The following DNER variants were observed in gnomAD, a reference collection of about 807,000 sequenced individuals.
DNER encodes the protein delta and Notch-like epidermal growth factor-related receptor.
In DNER, 33 loss-of-function variants were observed where a neutral mutation model predicts 78.2. The observed-to-expected ratio is 0.42, with a 90% CI of 0.32 to 0.56. The LOEUF is 0.56. DNER is among the 20% of genes least tolerant of loss of function. DNER has a pLI of 0.11. For missense variants in DNER, 918 were observed against 975.3 expected (o/e 0.94, Z 0.78); for synonymous variants, 417 against 384.8 (o/e 1.08, Z -0.98).
intron 4 of DNER, among the ~76,000 whole-genome samples, chr2:229,562,780 T>C (rs1368507258): frequency 6.6e-6 from 1 of 152,074 alleles, no homozygotes; most frequent in East Asian, 1.9e-4. Flanking sequence ...TTTCCTGGGG[T>C]GGTTGTTATG....
At chr2:229,395,210 A>T (rs1448925912) in intron 10 of DNER, among the ~76,000 whole-genome samples, 1 of 152,162 alleles carries the variant, frequency 6.6e-6, no homozygotes, top group Non-Finnish European at 1.5e-5. Flanking sequence ...CAGGTGAGAG[A>T]TACAGTCTTA....
chr2:229,379,172 C>G (rs1471996991), intron 11 of DNER, among the ~76,000 whole-genome samples: 1 of 152,156 alleles, frequency 6.6e-6, no homozygotes, highest in African/African-American at 2.4e-5. Flanking sequence ...TAGGCAGCAT[C>G]TAAAAAGACA....
At chr2:229,447,595 A>G in intron 7 of DNER, 55 bp from the exon 8 acceptor site, 1 of 1,533,206 alleles carries the variant, frequency 6.5e-7, no homozygotes, top group Non-Finnish European at 8.9e-7. Context: ...GCACATAATA[A>G]CTAATCAACT....
In DNER at chr2:229,705,350, C is replaced by T. The variant is rs148967641; in HGVS notation, c.276+8798G>A. 1.4e-4 allele frequency among the ~76,000 whole-genome samples: 21 copies of T among 152,320 alleles called. No homozygotes were observed. The East Asian group carries it at 3.7e-3, about 27-fold the overall frequency. On this transcript the variant is annotated intron_variant, in intron 1 of 12. Coordinates refer to ENST00000341772, the MANE Select transcript of DNER (RefSeq NM_139072.4). ...AACTGTGAGCAAAAGATAGCAGACA[C>T]GTTTCTATTTCCAAGCGCCTTTCTT...
intron 4 of DNER, among the ~76,000 whole-genome samples, chr2:229,577,044 G>A (rs11893092): frequency 0.13 from 20,020 of 152,184 alleles, 1,682 homozygotes; most frequent in African/African-American, 0.22. Flanking sequence ...GGTAAGGGTC[G>A]TGAAGCTGGG....
chr2:229,657,585 T>C (rs999396635), intron 1 of DNER, among the ~76,000 whole-genome samples: 2 of 152,252 alleles, frequency 1.3e-5, no homozygotes, highest in Non-Finnish European at 2.9e-5. Flanking sequence ...CCAGATGTTT[T>C]ATCTTCATTA....
intron 11 of DNER, among the ~76,000 whole-genome samples, chr2:229,380,262 C>A (rs1252717919): frequency 6.6e-6 from 1 of 152,174 alleles, no homozygotes; most frequent in African/African-American, 2.4e-5. Flanking sequence ...GCAGCCAGAA[C>A]CACCAGTGAG....
At chr2:229,688,126 A>G (rs1049660310) in intron 1 of DNER, among the ~76,000 whole-genome samples, 7 of 152,246 alleles carry the variant, frequency 4.6e-5, no homozygotes, top group African/African-American at 1.7e-4. Flanking sequence ...CGGGGTGTTA[A>G]GAGCTCCTCC....
chr2:229,635,378 A>AAC (rs1553547040), intron 1 of DNER, among the ~76,000 whole-genome samples: 1 of 151,062 alleles, frequency 6.6e-6, no homozygotes, highest in East Asian at 1.9e-4. Context: ...AAAAAAAAAA[A>AAC]AAAAAAACTC....
At chr2:229,466,452 G>T (rs1027712882) in intron 7 of DNER, among the ~76,000 whole-genome samples, 1 of 152,066 alleles carries the variant, frequency 6.6e-6, no homozygotes, top group African/African-American at 2.4e-5. Flanking sequence ...ACTTCCCTTG[G>T]AACACTTCCT....
rs183202567 is a variant in DNER, at chr2:229,449,551, C to T, written c.1262-2011G>A. Among the ~76,000 whole-genome samples, 562 of 151,744 alleles carry T rather than the reference C, an allele frequency of 3.7e-3. 1 individual carries two copies. Among genetic ancestry groups the T allele is most frequent in the Middle Eastern group, 0.014 (4 of 294 alleles). On this transcript the variant is annotated intron_variant, in intron 7 of 12. Coordinates refer to ENST00000341772, the MANE Select transcript of DNER (RefSeq NM_139072.4). ...TTAGTTAGATAGTGACCCAAGATTG[C>T]ATCTTATGACTTGAGAGGAAAAAAA... is the stretch of plus-strand genomic sequence containing the variant.
intron 1 of DNER, among the ~76,000 whole-genome samples, chr2:229,603,429 A>G (rs1228752262): frequency 6.6e-6 from 1 of 152,226 alleles, no homozygotes; most frequent in East Asian, 1.9e-4. Context: ...AAAAAAGAAT[A>G]TTAATGAGCT....
At chr2:229,398,288 A>T (rs6753786) in intron 10 of DNER, among the ~76,000 whole-genome samples, 59,842 of 151,920 alleles carry the variant, frequency 0.39, 12,732 homozygotes, top group Middle Eastern at 0.5. Flanking sequence ...TCCTCAAAAA[A>T]AAATCACAAC....
At position 229,581,478 on chromosome 2, in the gene DNER, T is replaced by C. The variant is rs1037476157; in HGVS notation, c.847+4380A>G. ...AAATAACATATTTGGAAGTAACATATTTAGGGTAAACAGGACAGATAAGTA... is the reference window on the plus strand; with the variant it reads ...AAATAACATATTTGGAAGTAACATACTTAGGGTAAACAGGACAGATAAGTA... On this transcript the variant is annotated intron_variant, in intron 4 of 12. Transcript: ENST00000341772. Among the ~76,000 whole-genome samples, 16 of 152,088 alleles carry C rather than the reference T, an allele frequency of 1.1e-4. 1 individual carries two copies. In the East Asian group the frequency reaches 2.7e-3, roughly 26 times the overall value.
chr2:229,610,085 G>A (rs555998666), intron 1 of DNER, among the ~76,000 whole-genome samples: 5 of 152,266 alleles, frequency 3.3e-5, no homozygotes, highest in African/African-American at 2.4e-5. Context: ...TCTGTTTGAC[G>A]TAAAATATTA....
chr2:229,684,145 TGAGA>T (rs67820927), intron 1 of DNER, among the ~76,000 whole-genome samples: 4,077 of 122,430 alleles, frequency 0.033, 120 homozygotes, highest in East Asian at 0.11. Context: ...TCTGTGTATG[TGAGA>T]GAGAGAGAGA....
At chr2:229,594,048 C>A (rs989848489) in intron 1 of DNER, among the ~76,000 whole-genome samples, 2 of 152,230 alleles carry the variant, frequency 1.3e-5, no homozygotes, top group Admixed American at 1.3e-4. Flanking sequence ...CCACATCTGA[C>A]AACCATCAGT....
At chr2:229,586,233 C>T (rs1697492786) in intron 3 of DNER, among the ~76,000 whole-genome samples, 1 of 152,076 alleles carries the variant, frequency 6.6e-6, no homozygotes, top group Non-Finnish European at 1.5e-5. Context: ...TCACTGGTAA[C>T]TCACCTTTGA....
intron 8 of DNER, among the ~76,000 whole-genome samples, chr2:229,425,448 C>T (rs1693852701): frequency 6.6e-6 from 1 of 152,212 alleles, no homozygotes; most frequent in Middle Eastern, 3.4e-3. Context: ...CACGGTGGAG[C>T]CCAGATTCCA....
Sources: gnomAD v4.1 joint callset for allele counts (sites outside exome capture counted in the v4.1 genomes callset) on GRCh38, gnomAD v4.1.1 for gene constraint, MANE v1.5 for transcripts, NCBI Gene and HGNC (gene_info 2026-07-23, HGNC 2026-07-21) for gene names.